Variants in SOD2 observed in about 807,000 individuals in gnomAD.
SOD2 encodes superoxide dismutase [Mn], mitochondrial.
Under a neutral mutation model 27.0 loss-of-function variants are expected in SOD2, and 11 were observed. The observed-to-expected ratio is 0.41, with a 90% CI of 0.26 to 0.67. The LOEUF (loss-of-function observed/expected upper bound fraction) is 0.67, where lower values mean the gene tolerates loss of function less well. SOD2 is among the 30% of genes least tolerant of loss of function. The pLI, the probability that SOD2 is intolerant of heterozygous loss-of-function variation, is 0.34. For synonymous variants in SOD2, 105 were observed against 103.0 expected (o/e 1.02, Z -0.12); for missense variants, 250 against 274.5 (o/e 0.91, Z 0.63).
At chr6:159,730,233 G>A (rs1409799383), upstream of SOD2, among the ~76,000 whole-genome samples, 1 of 152,134 alleles carries the variant, frequency 6.6e-6, no homozygotes, top group African/African-American at 2.4e-5. Flanking sequence ...ACTTTGAAAA[G>A]TGCTGTTATT....
At chr6:159,691,764 A>C (rs1777209353) in intron 2 of SOD2, 1 of 152,080 alleles carries the variant, frequency 6.6e-6, no homozygotes, top group African/African-American at 2.4e-5. Flanking sequence ...TTTTAATTGC[A>C]TTACAAATAT....
At chr6:159,713,108 G>T (rs1213065719) in intron 1 of SOD2, 2 of 839,798 alleles carry the variant, frequency 2.4e-6, no homozygotes, top group South Asian at 2.1e-5. Context: ...GGCTCTGTAA[G>T]GTAAACCCCT....
chr6:159,692,716 G>A lies in SOD2; in HGVS notation c.171C>T (p.Ala57=), dbSNP rs779421501. 17 of 1,614,022 alleles carry A rather than the reference G, an allele frequency of 1.1e-5. No individual in the cohort carries two copies. The highest frequency in any genetic ancestry group is 1.4e-5 in the Non-Finnish European group (17 of 1,180,040). ...MQLHHSKHHA[A]YVNNLNVTEE... is the part of the protein sequence containing the mutation. ...CGGTGACGTTCAGGTTGTTCACGTAGGCCGCGTGGTGCTTGCTGTGGTGCA... is the reference window on the plus strand; with the variant it reads ...CGGTGACGTTCAGGTTGTTCACGTAAGCCGCGTGGTGCTTGCTGTGGTGCA... Residue 57 remains alanine (A), a synonymous_variant, in exon 2 of 5, where the codon GCC becomes GCT. Coordinates refer to ENST00000538183, the MANE Select transcript of SOD2 (RefSeq NM_000636.4).
At chr6:159,710,272 T>TAC (rs1217555904) in intron 1 of SOD2, among the ~76,000 whole-genome samples, 2 of 147,212 alleles carry the variant, frequency 1.4e-5, no homozygotes, top group Non-Finnish European at 3.0e-5. Flanking sequence ...TATAAATACA[T>TAC]ATATATATAT....
chr6:159,683,039 T>G (rs1230167047), intron 4 of SOD2, among the ~76,000 whole-genome samples: 1 of 152,168 alleles, frequency 6.6e-6, no homozygotes, highest in Non-Finnish European at 1.5e-5. Context: ...CCAAAGGGTC[T>G]GGGCACTCAC....
intron 1 of SOD2, among the ~76,000 whole-genome samples, chr6:159,711,947 GCTCT>G (rs1562437847): frequency 3.3e-4 from 38 of 116,440 alleles, no homozygotes; most frequent in African/African-American, 1.2e-3. Flanking sequence ...CACTCACATT[GCTCT>G]GATCACCATA....
intron 1 of SOD2, chr6:159,736,111 C>T: frequency 1.2e-6 from 1 of 842,118 alleles, no homozygotes; most frequent in Middle Eastern, 3.6e-4. Context: ...AAATCTAAAA[C>T]TATTTTAAAA....
At chr6:159,719,061 T>C (rs1777978183) in intron 1 of SOD2, among the ~76,000 whole-genome samples, 1 of 152,080 alleles carries the variant, frequency 6.6e-6, no homozygotes, top group Admixed American at 6.6e-5. Flanking sequence ...AGATTGAATG[T>C]TTGCGTCCAC....
chr6:159,759,855 G>C (rs1162614081), intron 1 of SOD2, among the ~76,000 whole-genome samples: 3 of 152,126 alleles, frequency 2.0e-5, no homozygotes, highest in Non-Finnish European at 4.4e-5. Context: ...ACTCTAGATA[G>C]AGCCTTCAGG....
chr6:159,741,794 C>T, intron 1 of SOD2: 1 of 233,386 alleles, frequency 4.3e-6, no homozygotes, highest in Non-Finnish European at 8.4e-6. Flanking sequence ...TCAAGACCAG[C>T]CTGGGCAACG....
chr6:159,706,283 T>A (rs1363908850), intron 1 of SOD2, among the ~76,000 whole-genome samples: 1 of 152,164 alleles, frequency 6.6e-6, no homozygotes, highest in East Asian at 1.9e-4. Context: ...ACCTTAAATG[T>A]AAATGGGCTA....
upstream of SOD2, among the ~76,000 whole-genome samples, chr6:159,695,099 C>T (rs1034206933): frequency 3.3e-5 from 5 of 152,070 alleles, no homozygotes; most frequent in Admixed American, 1.3e-4. Flanking sequence ...GGAGGTACTG[C>T]AGGTCACTTT....
chr6:159,753,229 A>G (rs1469782765), intron 1 of SOD2: 4 of 531,702 alleles, frequency 7.5e-6, no homozygotes, highest in Non-Finnish European at 1.3e-5. Flanking sequence ...AATAGAAACA[A>G]GGTGTAGCTG....
upstream of SOD2, among the ~76,000 whole-genome samples, chr6:159,747,169 C>CT (rs1226297005): frequency 6.6e-6 from 1 of 152,140 alleles, no homozygotes; most frequent in Non-Finnish European, 1.5e-5. Context: ...GCCAGATCTA[C>CT]TTTGAGTATG....
chr6:159,713,847 C>T (rs73599357), intron 1 of SOD2: 41,104 of 1,094,274 alleles, frequency 0.038, 1,381 homozygotes, highest in African/African-American at 0.11. Context: ...CTGCCTTCTC[C>T]GGTGTAGATG....
chr6:159,755,262 G>A, intron 1 of SOD2: 1 of 1,614,206 alleles, frequency 6.2e-7, no homozygotes, highest in Non-Finnish European at 8.5e-7. Context: ...AGTAATGGTA[G>A]CTCCTCCCGC....
chr6:159,742,751 T>A (rs1238037504), intron 1 of SOD2, among the ~76,000 whole-genome samples: 1 of 152,130 alleles, frequency 6.6e-6, no homozygotes, highest in African/African-American at 2.4e-5. Flanking sequence ...CCCATAGAAG[T>A]CATGAACATT....
intron 1 of SOD2, among the ~76,000 whole-genome samples, chr6:159,738,831 TAAA>T (rs373027980): frequency 6.9e-6 from 1 of 145,752 alleles, no homozygotes; most frequent in Non-Finnish European, 1.5e-5. Flanking sequence ...TAGTTTACCT[TAAA>T]AAAAAAAAAC....
Position 159,681,620 on chromosome 6 carries a change from G to A in SOD2, c.*873C>T, listed in dbSNP as rs980175880. The A allele has an allele frequency of 6.6e-5, 10 of 152,132 alleles. No homozygotes were observed. Among genetic ancestry groups the A allele is most frequent in the African/African-American group, 2.4e-4 (10 of 41,386 alleles). The allele number at this position is 152,132 out of a possible 1,614,324, so 9.4% of individuals were successfully genotyped here. ...CCTGCCTACCCCACTTCACCTTTCA[G>A]GCCAAACCAATATATAAGCTTCATG... On this transcript the variant is annotated 3_prime_UTR_variant, in exon 5 of 5. Transcript: ENST00000538183.
Sources: allele counts gnomAD v4.1 joint callset (sites outside exome capture counted in the v4.1 genomes callset), GRCh38; gene constraint gnomAD v4.1.1; transcripts MANE v1.5; gene names NCBI Gene and HGNC (gene_info 2026-07-23, HGNC 2026-07-21).